The following ARK2N variants were observed in gnomAD, a reference collection of about 807,000 sequenced individuals.
The protein encoded by ARK2N is protein ARK2N.
the ARK2N span, among the ~76,000 whole-genome samples, chr18:46,259,145 A>G: frequency 1.9e-3 from 293 of 152,318 alleles, 2 homozygotes; most frequent in Middle Eastern, 0.02. Flanking sequence ...AATAACACAT[A>G]CAGATAACTA....
the ARK2N span, among the ~76,000 whole-genome samples, chr18:46,202,802 TAAAAAA>T: frequency 6.9e-6 from 1 of 145,418 alleles, no homozygotes; most frequent in African/African-American, 2.6e-5. Context: ...AAATAAAAAT[TAAAAAA>T]AAAAAAAAGA....
the ARK2N span, chr18:46,253,932 A>T: frequency 5.5e-6 from 7 of 1,265,548 alleles, no homozygotes; most frequent in Non-Finnish European, 7.6e-6. Flanking sequence ...GGCATGAATG[A>T]ATGATGGGAG....
At chr18:46,243,137 T>C in the ARK2N span, among the ~76,000 whole-genome samples, 53 of 152,302 alleles carry the variant, frequency 3.5e-4, no homozygotes, top group Non-Finnish European at 1.9e-4. Flanking sequence ...TAAATAAAAA[T>C]AATACTGTAG....
At chr18:46,221,641 C>T in the ARK2N span, among the ~76,000 whole-genome samples, 1 of 149,986 alleles carries the variant, frequency 6.7e-6, no homozygotes, top group Non-Finnish European at 1.5e-5. Flanking sequence ...ATTTGTATTC[C>T]TTTGGTAAAG....
the ARK2N span, among the ~76,000 whole-genome samples, chr18:46,234,071 A>G: frequency 6.6e-6 from 1 of 152,116 alleles, no homozygotes; most frequent in African/African-American, 2.4e-5. Context: ...TTTCTAAGAG[A>G]TGTTTTGAAA....
At chr18:46,183,911 T>C in the ARK2N span, among the ~76,000 whole-genome samples, 1,088 of 150,596 alleles carry the variant, frequency 7.2e-3, 18 homozygotes, top group African/African-American at 0.026. Context: ...GCAACCTCCG[T>C]CTCCCGGGTT....
At chr18:46,266,477 C>T in the ARK2N span, 1 of 152,502 alleles carries the variant, frequency 6.6e-6, no homozygotes, top group Admixed American at 6.5e-5. Flanking sequence ...TGTATTTTTT[C>T]ATTTTATTTA....
At chr18:46,174,723 A>G in the ARK2N span, among the ~76,000 whole-genome samples, 23 of 152,002 alleles carry the variant, frequency 1.5e-4, no homozygotes, top group African/African-American at 5.6e-4. Flanking sequence ...AAGCGACTTC[A>G]CGGCCCTGGA....
chr18:46,230,588 C>T, the ARK2N span, among the ~76,000 whole-genome samples: 3 of 152,172 alleles, frequency 2.0e-5, no homozygotes, highest in Non-Finnish European at 4.4e-5. Flanking sequence ...AATAAAATCC[C>T]ATATCCGGAC....
At chr18:46,266,872 CAG>C in the ARK2N span, 1 of 152,402 alleles carries the variant, frequency 6.6e-6, no homozygotes. Context: ...AATAATAAAA[CAG>C]AGTGTTATAT....
chr18:46,211,538 C>A, the ARK2N span, among the ~76,000 whole-genome samples: 3 of 152,138 alleles, frequency 2.0e-5, no homozygotes, highest in East Asian at 1.9e-4. Flanking sequence ...CTGTGAAAGA[C>A]GAGCATGATA....
At chr18:46,242,958 G>T in the ARK2N span, among the ~76,000 whole-genome samples, 2 of 152,082 alleles carry the variant, frequency 1.3e-5, no homozygotes, top group Non-Finnish European at 2.9e-5. Flanking sequence ...TTAATATATA[G>T]AGAGAGCATT....
chr18:46,181,958 C>T, the ARK2N span, among the ~76,000 whole-genome samples: 1 of 152,024 alleles, frequency 6.6e-6, no homozygotes, highest in Non-Finnish European at 1.5e-5. Context: ...AAGATACTGA[C>T]CAAAGTGACC....
At chr18:46,230,295 C>T in the ARK2N span, among the ~76,000 whole-genome samples, 23 of 152,184 alleles carry the variant, frequency 1.5e-4, no homozygotes, top group East Asian at 5.8e-4. Flanking sequence ...TTCCCTGAGG[C>T]AGTCTGTATT....
At chr18:46,212,897 C>T in the ARK2N span, among the ~76,000 whole-genome samples, 1 of 149,408 alleles carries the variant, frequency 6.7e-6, no homozygotes, top group East Asian at 2.0e-4. Flanking sequence ...GTGCTGCCTT[C>T]TTTCACAAAT....
the ARK2N span, among the ~76,000 whole-genome samples, chr18:46,227,393 T>C: frequency 6.6e-6 from 1 of 152,226 alleles, no homozygotes; most frequent in Non-Finnish European, 1.5e-5. Flanking sequence ...AGTAATAGAC[T>C]GAACCACATT....
chr18:46,206,180 G>A, the ARK2N span, among the ~76,000 whole-genome samples: 1 of 151,952 alleles, frequency 6.6e-6, no homozygotes, highest in African/African-American at 2.4e-5. Context: ...CAACCTCTGA[G>A]GCTCAAGTGA....
chr18:46,254,026 A>G, the ARK2N span, among the ~76,000 whole-genome samples: 7 of 152,362 alleles, frequency 4.6e-5, no homozygotes, highest in East Asian at 1.3e-3. Flanking sequence ...GTCTCATATC[A>G]AGGACATTTC....
chr18:46,237,902 A>G, the ARK2N span, among the ~76,000 whole-genome samples: 1 of 152,224 alleles, frequency 6.6e-6, no homozygotes, highest in Non-Finnish European at 1.5e-5. Context: ...TTTATTTTCA[A>G]TTTTAAGTGT....
Sources: gnomAD v4.1 joint callset for allele counts (sites outside exome capture counted in the v4.1 genomes callset) on GRCh38, gnomAD v4.1.1 for gene constraint, MANE v1.5 for transcripts, NCBI Gene and HGNC (gene_info 2026-07-23, HGNC 2026-07-21) for gene names.